Variants in DNAH8 observed in about 807,000 individuals in gnomAD.
DNAH8 encodes axonemal beta dynein heavy chain 8.
A neutral mutation model predicts 562.1 loss-of-function variants in DNAH8; 382 were observed. That is an observed-to-expected ratio of 0.68 (90% CI 0.63 to 0.74). The LOEUF (loss-of-function observed/expected upper bound fraction) is 0.74, where lower values mean the gene tolerates loss of function less well. Ranked by LOEUF, DNAH8 falls within the 30% of genes least tolerant of loss-of-function variation. The pLI, the probability that DNAH8 is intolerant of heterozygous loss-of-function variation, is 0.00. For missense variants in DNAH8, 5,203 were observed against 5,620.4 expected, an observed-to-expected ratio of 0.93 and a Z score of 2.37; for synonymous variants, 1,881 against 1,919.4, an observed-to-expected ratio of 0.98 and a Z score of 0.52.
intron 83 of DNAH8, 37 bp downstream of exon 83, chr6:38,971,702 T>G (rs765585232): frequency 1.4e-6 from 2 of 1,476,602 alleles, no homozygotes; most frequent in Non-Finnish European, 1.8e-6. Flanking sequence ...GCAACATTAT[T>G]GCTAGAAACC....
intron 72 of DNAH8, 185 bp downstream of exon 72, chr6:38,923,370 C>T (rs1348857104): frequency 8.6e-6 from 6 of 695,078 alleles, no homozygotes; most frequent in Non-Finnish European, 1.1e-5. Flanking sequence ...TACATCTCAG[C>T]TGTGGTTCAG....
intron 21 of DNAH8, among the ~76,000 whole-genome samples, chr6:38,794,460 C>T (rs908227019): frequency 6.6e-5 from 10 of 152,050 alleles, no homozygotes; most frequent in Non-Finnish European, 1.0e-4. Flanking sequence ...ATTCAATGAA[C>T]GTTTACATAT....
At chr6:38,764,714 G>A (rs1042644241) in intron 11 of DNAH8, 1 of 152,170 alleles carries the variant, frequency 6.6e-6, no homozygotes, top group South Asian at 2.1e-4. Context: ...GACAGTCTTT[G>A]TTGTGTATGC....
chr6:38,935,498 A>C, intron 76 of DNAH8, 94 bp from the exon 77 acceptor site: 1 of 825,186 alleles, frequency 1.2e-6, no homozygotes, highest in Non-Finnish European at 1.9e-6. Context: ...TTTGCTTTAA[A>C]CTTTTAAAAT....
At chr6:38,718,592 A>T (rs1762517087) in intron 1 of DNAH8, among the ~76,000 whole-genome samples, 2 of 152,160 alleles carry the variant, frequency 1.3e-5, no homozygotes, top group South Asian at 4.1e-4. Context: ...TAGCTATATG[A>T]TCTATTTTAA....
At chr6:38,986,407 G>A (rs1190147280) in intron 87 of DNAH8, among the ~76,000 whole-genome samples, 1 of 152,044 alleles carries the variant, frequency 6.6e-6, no homozygotes, top group Admixed American at 6.6e-5. Flanking sequence ...ACATGTTCTA[G>A]GACATATATC....
At chr6:38,795,764 A>C (rs1770195696) in intron 21 of DNAH8, among the ~76,000 whole-genome samples, 1 of 152,118 alleles carries the variant, frequency 6.6e-6, no homozygotes, top group African/African-American at 2.4e-5. Context: ...ATTTGTAATG[A>C]CAGGGCAAGT....
intron 1 of DNAH8, among the ~76,000 whole-genome samples, chr6:38,715,954 A>T (rs374219588): frequency 0.072 from 2,687 of 37,274 alleles, 335 homozygotes; most frequent in East Asian, 0.29. Flanking sequence ...ATATATATAT[A>T]TATATATTTT....
chr6:39,006,098 A>G (rs1765782788), intron 88 of DNAH8, among the ~76,000 whole-genome samples: 1 of 152,240 alleles, frequency 6.6e-6, no homozygotes, highest in African/African-American at 2.4e-5. Flanking sequence ...CAACAACCCA[A>G]ATAAGCAAGG....
rs1422197693 is a variant in DNAH8, at chr6:38,780,871, C to T, written c.2140-383C>T. On this transcript the variant is annotated intron_variant, in intron 15 of 92. Coordinates refer to ENST00000327475, the MANE Select transcript of DNAH8 (RefSeq NM_001206927.2). ...AGTTAAAAAAAAACTATCATATTGCCCCCGTTTTCTGGTGTGTGTATAGCA... is the reference window on the plus strand; with the variant it reads ...AGTTAAAAAAAAACTATCATATTGCTCCCGTTTTCTGGTGTGTGTATAGCA... Among the ~76,000 whole-genome samples, 2 of 152,026 alleles carry T rather than the reference C, an allele frequency of 1.3e-5. 1 individual carries two copies. The highest frequency in any genetic ancestry group is 2.9e-5 in the Non-Finnish European group (2 of 68,014).
intron 57 of DNAH8, 43 bp from the exon 58 acceptor site, chr6:38,890,609 A>T: frequency 7.3e-7 from 1 of 1,366,080 alleles, no homozygotes; most frequent in African/African-American, 1.4e-5. Flanking sequence ...ATACTTGGAA[A>T]TCTTTTGGTA....
At chr6:38,833,796 T>TA (rs561439824) in intron 31 of DNAH8, among the ~76,000 whole-genome samples, 8 of 150,498 alleles carry the variant, frequency 5.3e-5, no homozygotes, top group Middle Eastern at 3.4e-3. Flanking sequence ...CAGATAAACT[T>TA]AAAAAAAAAA....
At chr6:38,830,665 A>G (rs1483624320) in intron 30 of DNAH8, among the ~76,000 whole-genome samples, 1 of 150,196 alleles carries the variant, frequency 6.7e-6, no homozygotes, top group Non-Finnish European at 1.5e-5. Flanking sequence ...AAAGACCTCC[A>G]AGGGATGACC....
chr6:38,942,032 A>G (rs745855059), intron 79 of DNAH8, among the ~76,000 whole-genome samples: 1 of 152,048 alleles, frequency 6.6e-6, no homozygotes, highest in African/African-American at 2.4e-5. Context: ...CCCTCCCACC[A>G]TGTCAGGACA....
intron 11 of DNAH8, among the ~76,000 whole-genome samples, chr6:38,766,489 T>C (rs1767013881): frequency 6.6e-6 from 1 of 152,110 alleles, no homozygotes; most frequent in Non-Finnish European, 1.5e-5. Context: ...ACAATACTGT[T>C]TTGTTTTTGT....
intron 35 of DNAH8, 124 bp downstream of exon 35, chr6:38,843,027 A>G: frequency 1.1e-6 from 1 of 878,952 alleles, no homozygotes; most frequent in East Asian, 2.6e-5. Context: ...CACCCTCAAA[A>G]TTTGGAATGA....
intron 16 of DNAH8, among the ~76,000 whole-genome samples, chr6:38,782,105 T>C (rs1438103572): frequency 6.6e-6 from 1 of 151,960 alleles, no homozygotes; most frequent in Non-Finnish European, 1.5e-5. Flanking sequence ...GCTGCCATCA[T>C]TTGTGTCATT....
chr6:38,955,801 C>T (rs562180426), intron 82 of DNAH8, among the ~76,000 whole-genome samples: 1 of 152,250 alleles, frequency 6.6e-6, no homozygotes, highest in African/African-American at 2.4e-5. Context: ...CTGCAGGAAC[C>T]TCGGGATATA....
rs183133574 is a variant in DNAH8, at chr6:39,027,685, G to A, written c.13836+1018G>A. ...CTACTAAAAATACAAAACTTAGCCTGGGGTGGTGGCAGGCTGTAATGTCCC... is the reference window on the plus strand; with the variant it reads ...CTACTAAAAATACAAAACTTAGCCTAGGGTGGTGGCAGGCTGTAATGTCCC... On this transcript the variant is annotated intron_variant, in intron 92 of 92. Coordinates refer to ENST00000327475, the MANE Select transcript of DNAH8 (RefSeq NM_001206927.2). Among the ~76,000 whole-genome samples, 191 of 152,146 alleles carry A rather than the reference G, an allele frequency of 1.3e-3. 1 individual carries two copies. The highest frequency in any genetic ancestry group is 4.5e-3 in the African/African-American group (186 of 41,520).
Sources: gnomAD v4.1 joint callset for allele counts (sites outside exome capture counted in the v4.1 genomes callset) on GRCh38, gnomAD v4.1.1 for gene constraint, MANE v1.5 for transcripts, NCBI Gene and HGNC (gene_info 2026-07-23, HGNC 2026-07-21) for gene names.